The following MYO1A variants were observed in gnomAD, a reference collection of about 807,000 sequenced individuals.
MYO1A encodes unconventional myosin-Ia.
Under a neutral mutation model 138.5 loss-of-function variants are expected in MYO1A, and 127 were observed. The ratio of observed to expected loss-of-function variants is 0.92; its 90% CI spans 0.79 to 1.06. The LOEUF (loss-of-function observed/expected upper bound fraction) is 1.06. Among genes scored for constraint, MYO1A ranks in the 50% least tolerant of loss-of-function variants. The pLI is 0.00. For synonymous variants in MYO1A, 477 were observed against 497.5 expected, an observed-to-expected ratio of 0.96 and a Z score of 0.55; for missense variants, 1,211 against 1,288.8, an observed-to-expected ratio of 0.94 and a Z score of 0.92.
intron 6 of MYO1A, 63 bp from the exon 7 acceptor site, chr12:57,046,989 G>A (rs1355378046): frequency 3.7e-6 from 6 of 1,610,018 alleles, no homozygotes; most frequent in Non-Finnish European, 5.1e-6. Flanking sequence ...CTGCCTGGAA[G>A]GGGTCTGTGC....
intron 23 of MYO1A, 32 bp from the exon 24 acceptor site, chr12:57,030,348 A>C: frequency 1.4e-6 from 2 of 1,392,482 alleles, no homozygotes; most frequent in Non-Finnish European, 2.0e-6. Flanking sequence ...AGCTAAAATC[A>C]TAGAGTGGGA....
chr12:57,043,409 G>T, intron 10 of MYO1A, 51 bp from the exon 11 acceptor site: 2 of 1,541,996 alleles, frequency 1.3e-6, no homozygotes, highest in Non-Finnish European at 9.0e-7. Flanking sequence ...TTTCTCTCAG[G>T]GGAGGGAGTG....
At chr12:57,041,067 G>T (rs2030834507) in intron 14 of MYO1A, 117 bp downstream of exon 14, 1 of 760,652 alleles carries the variant, frequency 1.3e-6, no homozygotes, top group Non-Finnish European at 2.3e-6. Flanking sequence ...GAAACATTTT[G>T]TCCTCTGTGT....
At chr12:57,030,970 CA>C in intron 23 of MYO1A, 69 bp downstream of exon 23, 1 of 1,583,768 alleles carries the variant, frequency 6.3e-7, no homozygotes, top group Non-Finnish European at 8.6e-7. Context: ...AAGAGGGAGG[CA>C]AAAGAGGAAA....
chr12:57,037,541 A>G lies in MYO1A; in HGVS notation c.2055+7T>C. 2 of 1,613,440 alleles carry G rather than the reference A, an allele frequency of 1.2e-6. No individual in the cohort carries two copies. Among genetic ancestry groups the G allele is most frequent in the Non-Finnish European group, 1.7e-6 (2 of 1,179,452 alleles). ...CTCACCAAATGCTAATGCACTCTCTAACTCACAGTCTTGGGGCTTCTAATG... is the reference window on the plus strand; with the variant it reads ...CTCACCAAATGCTAATGCACTCTCTGACTCACAGTCTTGGGGCTTCTAATG... On this transcript the variant is annotated splice_region_variant and intron_variant, in intron 19 of 27. Coordinates refer to ENST00000300119, the MANE Select transcript of MYO1A (RefSeq NM_005379.4).
chr12:57,042,320 A>C lies in MYO1A; in HGVS notation c.1098+752T>G, dbSNP rs927203860. ...ATCTTGAAGCATGTATCAGTACTTC[A>C]TTCTTTTTATGGACAAATAACATTC... On this transcript the variant is annotated intron_variant, in intron 12 of 27. Coordinates refer to ENST00000300119, the MANE Select transcript of MYO1A (RefSeq NM_005379.4). Among the ~76,000 whole-genome samples, 4 of 152,198 alleles carry C rather than the reference A, an allele frequency of 2.6e-5. No individual in the cohort carries two copies. The East Asian group carries it at 7.7e-4, about 29-fold the overall frequency.
chr12:57,029,622 G>C (rs76849707), intron 25 of MYO1A, 35 bp from the exon 26 acceptor site: 1 of 1,614,156 alleles, frequency 6.2e-7, no homozygotes, highest in South Asian at 1.1e-5. Context: ...AGGAAAGGCA[G>C]GATTAATTGC....
In MYO1A at chr12:57,029,484, A is replaced by G; in HGVS notation, c.2828T>C (p.Val943Ala). 1 of 1,612,346 alleles carries G rather than the reference A, an allele frequency of 6.2e-7. No individual in the cohort carries two copies. Among genetic ancestry groups the G allele is most frequent in the East Asian group, 2.2e-5 (1 of 44,648 alleles). The change falls in exon 26 of 28, where the codon GTG (valine) becomes GCG (alanine). Residue 943 changes from valine to alanine, a missense_variant. Coordinates refer to ENST00000300119, the MANE Select transcript of MYO1A (RefSeq NM_005379.4). ...IVIGLDNVAG[V>A]SVTSLKDGLF... ...CCCATCCTTGAGGCTGGTGACTGAC[A>G]CCCCAGCCACATTGTCTAGCCCAAT... is the stretch of plus-strand genomic sequence containing the variant.
In MYO1A at chr12:57,040,390, G is replaced by A. The variant is rs78021157; in HGVS notation, c.1269+794C>T. Among the ~76,000 whole-genome samples, 159 of 152,308 alleles carry A rather than the reference G, an allele frequency of 1.0e-3. 1 individual carries two copies. Among genetic ancestry groups the A allele is most frequent in the South Asian group, 3.7e-3 (18 of 4,818 alleles). On this transcript the variant is annotated intron_variant, in intron 14 of 27. Transcript: ENST00000300119. ...TGCATATGCGTAAGGACTTCTGGAA[G>A]GAAGCCCATGTTGGTTGCCTCTGGG...
intron 22 of MYO1A, 85 bp from the exon 23 acceptor site, chr12:57,031,259 AAAG>A (rs2136435224): frequency 6.5e-7 from 1 of 1,543,510 alleles, no homozygotes. Context: ...CTGCCACTTC[AAAG>A]GAGGAAGTTA....
intron 22 of MYO1A, among the ~76,000 whole-genome samples, chr12:57,033,335 C>T (rs745540906): frequency 3.9e-5 from 6 of 152,138 alleles, no homozygotes; most frequent in Non-Finnish European, 7.4e-5. Context: ...CAATCTAGAA[C>T]AAGGATTCTT....
Position 57,035,194 on chromosome 12 carries a change from GGAA to G in MYO1A, c.2349+1110_2349+1112del, listed in dbSNP as rs1209958022. 6.6e-5 allele frequency among the ~76,000 whole-genome samples: 10 copies of G among 152,180 alleles called. 1 individual carries two copies. Among genetic ancestry groups the G allele is most frequent in the Admixed American group, 3.3e-4 (5 of 15,286 alleles). On this transcript the variant is annotated intron_variant, in intron 22 of 27. Coordinates refer to ENST00000300119, the MANE Select transcript of MYO1A (RefSeq NM_005379.4). ...CTGACAATACACAGATGAAAGAAAA[GGAA>G]GAAGAAGGGCAGTCAGGAGATAACA...
At chr12:57,046,196 C>T (rs2031084684) in intron 8 of MYO1A, among the ~76,000 whole-genome samples, 1 of 152,102 alleles carries the variant, frequency 6.6e-6, no homozygotes, top group South Asian at 2.1e-4. Flanking sequence ...TTAATTAAAT[C>T]CCCTTAAGTT....
At position 57,031,085 on chromosome 12, in the gene MYO1A, G is replaced by A; in HGVS notation, c.2439C>T (p.Leu813=). The A allele has an allele frequency of 6.2e-7, 1 of 1,614,180 alleles. No homozygotes were observed. Among genetic ancestry groups the A allele is most frequent in the Non-Finnish European group, 8.5e-7 (1 of 1,180,028 alleles). ...KTWPAAPYKC[L]STANQELQQL... ...GCTGCAGCTCCTGATTTGCTGTGCT[G>A]AGGCACTTGTAGGGGGCGGCTGGCC... Residue 813 remains leucine, a synonymous_variant, in exon 23 of 28, where the codon CTC becomes CTT. Transcript: ENST00000300119.
At chr12:57,029,408 A>G (rs747781087) in intron 26 of MYO1A, 27 bp downstream of exon 26, 2 of 1,613,982 alleles carry the variant, frequency 1.2e-6, no homozygotes, top group South Asian at 2.2e-5. Flanking sequence ...TCTCCAGTCC[A>G]AGGCTTGCCC....
intron 23 of MYO1A, among the ~76,000 whole-genome samples, chr12:57,030,790 A>C (rs1161202093): frequency 6.6e-6 from 1 of 152,194 alleles, no homozygotes; most frequent in Non-Finnish European, 1.5e-5. Context: ...ATGGGTACAG[A>C]GTTTCAGTTT....
Position 57,037,614 on chromosome 12 carries a change from C to T in MYO1A, c.1989G>A (p.Glu663=), listed in dbSNP as rs1258238774. The T allele has an allele frequency of 6.2e-7, 1 of 1,614,176 alleles. No individual in the cohort carries two copies. The highest frequency in any genetic ancestry group is 2.2e-5 in the East Asian group (1 of 44,888). The stretch of plus-strand genomic sequence containing the variant: ...CCAGCTCCCCCGAGGACATGCTCAG[C>T]TCCCCCAGGACCTTCTCAACACCTT... ...DREGVEKVLG[E]LSMSSGELAF... is the part of the protein sequence containing the mutation. Residue 663 remains glutamate (E), a synonymous_variant, in exon 19 of 28, where the codon GAG becomes GAA. Coordinates refer to ENST00000300119, the MANE Select transcript of MYO1A (RefSeq NM_005379.4).
rs762981682 is a variant in MYO1A at position 57,038,812 on chromosome 12, G to A, written c.1530C>T (p.Gly510=). 4.3e-5 allele frequency: 70 copies of A among 1,614,100 alleles called. No homozygotes were observed. The highest frequency in any genetic ancestry group is 5.8e-5 in the Non-Finnish European group (69 of 1,180,014). Residue 510 remains glycine (G), a synonymous_variant, in exon 16 of 28, where the codon GGC becomes GGT. Transcript: ENST00000300119. ...CCCTCCAGCCCTGCCATTTCACCTT[G>A]CCCGCATAGTGGCAGATGCGGAAGC... ...LSCFRICHYA[G]KVTYNVTSFI...
chr12:57,030,347 CAT>C, intron 23 of MYO1A, 31 bp from the exon 24 acceptor site: 1 of 1,216,452 alleles, frequency 8.2e-7, no homozygotes. Context: ...GAGCTAAAAT[CAT>C]AGAGTGGGAG....
Sources: gnomAD v4.1 joint callset for allele counts (sites outside exome capture counted in the v4.1 genomes callset) on GRCh38, gnomAD v4.1.1 for gene constraint, MANE v1.5 for transcripts, NCBI Gene and HGNC (gene_info 2026-07-23, HGNC 2026-07-21) for gene names.